Variants in ANGEL1 observed in about 807,000 individuals in gnomAD.
ANGEL1 encodes the protein angel homolog 1.
In ANGEL1, 62 loss-of-function variants were observed where a neutral mutation model predicts 76.4. The ratio of observed to expected loss-of-function variants is 0.81; its 90% CI spans 0.66 to 1.00. The LOEUF (loss-of-function observed/expected upper bound fraction) is 1.00, where lower values mean the gene tolerates loss of function less well. Ranked by LOEUF, ANGEL1 falls within the 50% of genes least tolerant of loss-of-function variation. ANGEL1 has a pLI of 0.00. For synonymous variants in ANGEL1, 340 were observed against 331.7 expected (o/e 1.03, Z -0.27); for missense variants, 737 against 836.7 (o/e 0.88, Z 1.47).
chr14:76,800,267 A>C (rs1354889203), intron 7 of ANGEL1, among the ~76,000 whole-genome samples: 1 of 152,216 alleles, frequency 6.6e-6, no homozygotes, highest in Non-Finnish European at 1.5e-5. Context: ...TATAATCCTA[A>C]ATCACTGAGC....
rs745463422 is a variant in ANGEL1 at position 76,809,445 on chromosome 14, T to A, written c.263A>T (p.Gln88Leu). The A allele has an allele frequency of 1.2e-6, 2 of 1,614,250 alleles. No homozygotes were observed. The highest frequency in any genetic ancestry group is 1.1e-5 in the South Asian group (1 of 91,086). ...ATCCATCAGAAGTGCCAGGCTGCTC[T>A]GGGCTAGTCCTTTATCTATAAGGGG... ...EGPLIDKGLA[Q>L]SSLALLMDNP... Residue 88 changes from glutamine to leucine, a missense_variant, in exon 2 of 10, where the codon CAG (glutamine) becomes CTG (leucine). Transcript: ENST00000251089.
chr14:76,793,134 G>C (rs1274214799), intron 7 of ANGEL1, among the ~76,000 whole-genome samples: 1 of 151,188 alleles, frequency 6.6e-6, no homozygotes, highest in Non-Finnish European at 1.5e-5. Flanking sequence ...ATCTACAATA[G>C]CATCAAAAAT....
intron 5 of ANGEL1, chr14:76,804,504 G>T: frequency 1.0e-6 from 1 of 955,926 alleles, no homozygotes; most frequent in Non-Finnish European, 1.2e-6. Context: ...GTCCCTTTAT[G>T]CCATTTAACA....
intron 5 of ANGEL1, among the ~76,000 whole-genome samples, chr14:76,805,921 C>G (rs61409591): frequency 7.2e-4 from 110 of 152,298 alleles, no homozygotes; most frequent in East Asian, 4.0e-3. Context: ...ACTGTGAAAA[C>G]TAATTAGTTA....
intron 7 of ANGEL1, among the ~76,000 whole-genome samples, chr14:76,795,114 G>A (rs1469355619): frequency 6.6e-6 from 1 of 152,088 alleles, no homozygotes; most frequent in East Asian, 1.9e-4. Flanking sequence ...TAATCAAGAT[G>A]CTGTTTGGAG....
rs947290542 is a variant in ANGEL1, at chr14:76,812,869, G to A, written c.-42C>T. ...CCGCCTCCGCTCCTCACTGCAGCCA[G>A]CAGGTCCTCCCTCAGCTCGGCCCCG... On this transcript the variant is annotated 5_prime_UTR_variant, in exon 1 of 10. Transcript: ENST00000251089. 4.7e-6 allele frequency: 7 copies of A among 1,480,028 alleles called. No individual in the cohort carries two copies. In the East Asian group the frequency reaches 1.6e-4, roughly 35 times the overall value. The allele number at this position is 1,480,028 out of a possible 1,614,324, so 91.7% of individuals were successfully genotyped here. A position where few individuals can be genotyped will look rare whatever the true frequency, so the allele number is the denominator to read the frequency against.
At chr14:76,807,647 C>A in intron 3 of ANGEL1, 145 bp from the exon 4 acceptor site, 1 of 794,388 alleles carries the variant, frequency 1.3e-6, no homozygotes, top group Non-Finnish European at 2.1e-6. Context: ...CAGGCCCAGA[C>A]TTAAGCTGAA....
In ANGEL1 at chr14:76,809,171, C is replaced by T. The variant is rs746418054; in HGVS notation, c.537G>A (p.Ala179=). The T allele has an allele frequency of 3.1e-6, 5 of 1,614,030 alleles. No homozygotes were observed. Among genetic ancestry groups the T allele is most frequent in the East Asian group, 4.5e-5 (2 of 44,880 alleles). ...CAGGTGCTATGCTCCAGGCCAACACCGCTGGGTCCTCTTCCCACTGCTCTG... is the reference window on the plus strand; with the variant it reads ...CAGGTGCTATGCTCCAGGCCAACACTGCTGGGTCCTCTTCCCACTGCTCTG... The part of the protein sequence containing the change: ...LATEQWEEDP[A]VLAWSIAPEP... Residue 179 remains alanine, a synonymous_variant, in exon 2 of 10, where the codon GCG becomes GCA. Coordinates refer to ENST00000251089, the MANE Select transcript of ANGEL1 (RefSeq NM_015305.4).
At chr14:76,794,293 T>C (rs1051783204) in intron 7 of ANGEL1, among the ~76,000 whole-genome samples, 1 of 152,132 alleles carries the variant, frequency 6.6e-6, no homozygotes, top group Non-Finnish European at 1.5e-5. Context: ...GTGAATTTCA[T>C]CTCAATAAAG....
chr14:76,809,689 C>G (rs769791070), intron 1 of ANGEL1, 46 bp from the exon 2 acceptor site: 4 of 1,485,922 alleles, frequency 2.7e-6, no homozygotes, highest in Non-Finnish European at 2.8e-6. Context: ...GTCATCCAAC[C>G]CACACTATTC....
intron 3 of ANGEL1, 108 bp downstream of exon 3, chr14:76,807,814 G>A: frequency 1.6e-6 from 2 of 1,238,046 alleles, no homozygotes; most frequent in East Asian, 2.4e-5. Flanking sequence ...CCCTAGATAG[G>A]ACTCCAATCA....
chr14:76,803,917 G>T lies in ANGEL1; in HGVS notation c.1381-5C>A, dbSNP rs1382560168. 6 of 1,614,028 alleles carry T rather than the reference G, an allele frequency of 3.7e-6. No individual in the cohort carries two copies. In the Admixed American group the frequency reaches 1.0e-4, roughly 27 times the overall value. Reference sequence around the variant, plus strand: ...GAAGTCTTCCTGTCCAGATACCTGGGTGGAAAAAGAAGGGTGGGAATAAGG... The same window carrying T: ...GAAGTCTTCCTGTCCAGATACCTGGTTGGAAAAAGAAGGGTGGGAATAAGG... On this transcript the variant is annotated splice_polypyrimidine_tract_variant and splice_region_variant and intron_variant, in intron 5 of 9. Transcript: ENST00000251089.
rs113886268 is a variant in ANGEL1, at chr14:76,806,344, A to C, written c.1380+72T>G. 110 of 1,499,512 alleles carry C rather than the reference A, an allele frequency of 7.3e-5. No individual in the cohort carries two copies. The African/African-American group carries it at 8.2e-4, about 11-fold the overall frequency. The allele number at this position is 1,499,512 out of a possible 1,614,324, so 92.9% of individuals were successfully genotyped here. A position where few individuals can be genotyped will look rare whatever the true frequency, so the allele number is the denominator to read the frequency against. On this transcript the variant is annotated intron_variant, in intron 5 of 9. Transcript: ENST00000251089. Reference sequence around the variant, plus strand: ...TGTACTGAGGTCCCTGCCACAGAAGAAGCACTGATGCTAACGCCTGAATCT... The same window carrying C: ...TGTACTGAGGTCCCTGCCACAGAAGCAGCACTGATGCTAACGCCTGAATCT...
chr14:76,811,558 T>C (rs931892175), intron 1 of ANGEL1, among the ~76,000 whole-genome samples: 1 of 149,260 alleles, frequency 6.7e-6, no homozygotes, highest in Non-Finnish European at 1.5e-5. Context: ...TCCCTAGAAC[T>C]CTACTGGTCT....
Position 76,788,535 on chromosome 14 carries a change from G to A in ANGEL1, c.*693C>T, listed in dbSNP as rs975561494. 1 of 152,406 alleles carries A rather than the reference G, an allele frequency of 6.6e-6. No homozygotes were observed. Among genetic ancestry groups the A allele is most frequent in the African/African-American group, 2.4e-5 (1 of 41,474 alleles). The allele number at this position is 152,406 out of a possible 1,614,324, so 9.4% of individuals were successfully genotyped here. ...CATCCCCCAAAATTTGCCACTCCAGGATGTGGGCCCCATTTGTTCCCAGAG... is the reference window on the plus strand; with the variant it reads ...CATCCCCCAAAATTTGCCACTCCAGAATGTGGGCCCCATTTGTTCCCAGAG... On this transcript the variant is annotated 3_prime_UTR_variant, in exon 10 of 10. Coordinates refer to ENST00000251089, the MANE Select transcript of ANGEL1 (RefSeq NM_015305.4).
Position 76,790,650 on chromosome 14 carries a change from A to G in ANGEL1, c.1813T>C (p.Phe605Leu). Residue 605 changes from phenylalanine to leucine, a missense_variant, in exon 9 of 10, where the codon TTC (phenylalanine) becomes CTC (leucine). Phe to Leu is a conservative substitution (Grantham distance 22, BLOSUM62 0). This residue lies in a region of ANGEL1 where 296 missense variants were observed against 387.2 expected (regional missense o/e 0.76). Coordinates refer to ENST00000251089, the MANE Select transcript of ANGEL1 (RefSeq NM_015305.4). ...TTCTCACAGGACTCAGCTGAGAAGA[A>G]GATGTAATCTACTGTCATTCCAAGA... The part of the protein sequence containing the change: ...LGLGMTVDYI[F>L]FSAESCENGN... 1 of 1,614,148 alleles carries G rather than the reference A, an allele frequency of 6.2e-7. No individual in the cohort carries two copies. The highest frequency in any genetic ancestry group is 1.1e-5 in the South Asian group (1 of 91,078).
chr14:76,794,992 T>C (rs1194441994), intron 7 of ANGEL1, among the ~76,000 whole-genome samples: 2 of 152,200 alleles, frequency 1.3e-5, no homozygotes, highest in Non-Finnish European at 2.9e-5. Flanking sequence ...TATATTTCTA[T>C]TTTCTACTTC....
Position 76,806,687 on chromosome 14 carries a change from A to C in ANGEL1, c.1109T>G (p.Leu370Arg). 6.2e-7 allele frequency: 1 copy of C among 1,613,748 alleles called. No individual in the cohort carries two copies. Among genetic ancestry groups the C allele is most frequent in the Non-Finnish European group, 8.5e-7 (1 of 1,180,006 alleles). ...CAGGCCTTCTGGGACGAGTGGTTGCAGTAGCAACACTAAGCCCACATTATC... is the reference window on the plus strand; with the variant it reads ...CAGGCCTTCTGGGACGAGTGGTTGCCGTAGCAACACTAAGCCCACATTATC... ...NRDNVGLVLL[L>R]QPLVPEGLGQ... Residue 370 changes from leucine (L) to arginine (R), a missense_variant, in exon 5 of 10, where the codon CTG (leucine) becomes CGG (arginine). By Grantham distance (102) the Leu-to-Arg change is moderately radical (BLOSUM62 -2). Transcript: ENST00000251089.
At position 76,799,913 on chromosome 14, in the gene ANGEL1, A is replaced by C. The variant is rs540189033; in HGVS notation, c.1618+3458T>G. On this transcript the variant is annotated intron_variant, in intron 7 of 9. Coordinates refer to ENST00000251089, the MANE Select transcript of ANGEL1 (RefSeq NM_015305.4). Reference sequence around the variant, plus strand: ...ACAGTGAGACTCTGTCATGAAAAAAAAAAAAAAAAAAATTAGATTTGAGAT... The same window carrying C: ...ACAGTGAGACTCTGTCATGAAAAAACAAAAAAAAAAAATTAGATTTGAGAT... 4.7e-3 allele frequency among the ~76,000 whole-genome samples: 712 copies of C among 152,180 alleles called. 22 individuals are homozygous for C. The highest frequency in any genetic ancestry group is 0.042 in the Admixed American group (649 of 15,278).
Sources: allele counts gnomAD v4.1 joint callset (sites outside exome capture counted in the v4.1 genomes callset), GRCh38; gene constraint gnomAD v4.1.1; regional missense constraint gnomAD v4.1.1; transcripts MANE v1.5; gene names NCBI Gene and HGNC (gene_info 2026-07-23, HGNC 2026-07-21).